Variants in DOCK4 observed in about 807,000 individuals in gnomAD.
DOCK4 encodes dedicator of cytokinesis protein 4.
A neutral mutation model predicts 268.1 loss-of-function variants in DOCK4; 97 were observed. The ratio of observed to expected loss-of-function variants is 0.36; its 90% CI spans 0.31 to 0.43. DOCK4 has a LOEUF of 0.43. Among genes scored for constraint, DOCK4 ranks in the 20% least tolerant of loss-of-function variants. DOCK4 has a pLI of 1.00. For missense variants in DOCK4, 2,145 were observed against 2,455.7 expected (o/e 0.87, Z 2.67); for synonymous variants, 954 against 887.2 (o/e 1.08, Z -1.34).
chr7:111,763,991 G>A (rs1279314743), intron 39 of DOCK4, among the ~76,000 whole-genome samples: 2 of 152,138 alleles, frequency 1.3e-5, no homozygotes, highest in Non-Finnish European at 2.9e-5. Flanking sequence ...CCCACTTGCT[G>A]CTGTTTTTGA....
chr7:111,834,549 A>G lies in DOCK4; in HGVS notation c.2835+39T>C, dbSNP rs756892836. On this transcript the variant is annotated intron_variant, in intron 26 of 52. Transcript: ENST00000428084. ...GATGAATAAAAACAAGATAAACCCA[A>G]AAGATATGTTAAAGAAAACATTTTA... The G allele has an allele frequency of 8.3e-6, 12 of 1,440,916 alleles. No individual in the cohort carries two copies. In the South Asian group the frequency reaches 1.4e-4, roughly 17 times the overall value. The allele number at this position is 1,440,916 out of a possible 1,614,324, so 89.3% of individuals were successfully genotyped here. A position where few individuals can be genotyped will look rare whatever the true frequency, so the allele number is the denominator to read the frequency against.
chr7:112,197,456 G>A (rs1424220706), intron 1 of DOCK4, among the ~76,000 whole-genome samples: 1 of 152,116 alleles, frequency 6.6e-6, no homozygotes, highest in Non-Finnish European at 1.5e-5. Context: ...TCCTTACTGG[G>A]AAATCTCACA....
chr7:111,927,375 G>C (rs536217729), intron 12 of DOCK4, among the ~76,000 whole-genome samples: 64 of 152,180 alleles, frequency 4.2e-4, no homozygotes, highest in Non-Finnish European at 7.6e-4. Context: ...GTCACAGAAT[G>C]TCAAATGAAA....
At chr7:111,949,782 T>C (rs888717188) in intron 8 of DOCK4, among the ~76,000 whole-genome samples, 1 of 152,192 alleles carries the variant, frequency 6.6e-6, no homozygotes. Flanking sequence ...CAAATGGTTT[T>C]GGACAAAAAA....
intron 42 of DOCK4, among the ~76,000 whole-genome samples, chr7:111,751,228 G>A (rs1428795183): frequency 2.0e-5 from 3 of 152,120 alleles, no homozygotes; most frequent in African/African-American, 4.8e-5. Context: ...AGGTGACAGA[G>A]AAACATGTTA....
intron 8 of DOCK4, among the ~76,000 whole-genome samples, chr7:111,961,154 A>G (rs1232374447): frequency 6.6e-6 from 1 of 152,032 alleles, no homozygotes; most frequent in Non-Finnish European, 1.5e-5. Flanking sequence ...TTGCTCTCCA[A>G]TGGCAGCTGA....
chr7:112,130,773 G>A (rs376121372), intron 1 of DOCK4, among the ~76,000 whole-genome samples: 20 of 152,306 alleles, frequency 1.3e-4, no homozygotes, highest in East Asian at 7.7e-4. Context: ...ATACAGACGC[G>A]TCCTACCAAA....
intron 1 of DOCK4, among the ~76,000 whole-genome samples, chr7:112,064,457 C>T (rs1414836306): frequency 6.6e-6 from 1 of 152,142 alleles, no homozygotes; most frequent in Non-Finnish European, 1.5e-5. Flanking sequence ...ATTTATAAGC[C>T]AGCTCCATAT....
rs903099197 is a variant in DOCK4, at chr7:111,830,730, G to A, written c.2835+3858C>T. 4.6e-5 allele frequency among the ~76,000 whole-genome samples: 7 copies of A among 151,594 alleles called. No individual in the cohort carries two copies. In the East Asian group the frequency reaches 1.4e-3, roughly 29 times the overall value. On this transcript the variant is annotated intron_variant, in intron 26 of 52. Coordinates refer to ENST00000428084, the MANE Select transcript of DOCK4 (RefSeq NM_001363540.2). Reference sequence around the variant, plus strand: ...CATCATAAGTATTCATCAAAACAAAGTCTACACATCCAAACTTATCCCTCT... The same window carrying A: ...CATCATAAGTATTCATCAAAACAAAATCTACACATCCAAACTTATCCCTCT...
intron 17 of DOCK4, among the ~76,000 whole-genome samples, chr7:111,875,894 A>T (rs1440294114): frequency 6.6e-6 from 1 of 152,230 alleles, no homozygotes; most frequent in East Asian, 1.9e-4. Context: ...GCAATAAATA[A>T]GTAATACAAC....
chr7:111,828,556 T>G lies in DOCK4; in HGVS notation c.2835+6032A>C, dbSNP rs528783494. On this transcript the variant is annotated intron_variant, in intron 26 of 52. Transcript: ENST00000428084. ...GCAACATTAGGAATAAAAAACAACATGAATATTCATTTGAAAATCTCAATA... is the reference window on the plus strand; with the variant it reads ...GCAACATTAGGAATAAAAAACAACAGGAATATTCATTTGAAAATCTCAATA... Among the ~76,000 whole-genome samples the G allele has an allele frequency of 5.9e-5, 9 of 152,240 alleles. No individual in the cohort carries two copies. The South Asian group carries it at 1.7e-3, about 28-fold the overall frequency.
At chr7:112,173,141 T>C (rs1398201410) in intron 1 of DOCK4, among the ~76,000 whole-genome samples, 1 of 152,242 alleles carries the variant, frequency 6.6e-6, no homozygotes, top group Non-Finnish European at 1.5e-5. Context: ...TGACATTCTA[T>C]ACATTTGCCT....
intron 1 of DOCK4, among the ~76,000 whole-genome samples, chr7:112,188,042 A>G (rs763547055): frequency 1.3e-5 from 2 of 152,258 alleles, no homozygotes; most frequent in African/African-American, 2.4e-5. Flanking sequence ...AAGGACAGAA[A>G]GACTTAGGGA....
At chr7:111,921,141 G>A (rs1055541520) in intron 12 of DOCK4, among the ~76,000 whole-genome samples, 1 of 152,090 alleles carries the variant, frequency 6.6e-6, no homozygotes, top group Non-Finnish European at 1.5e-5. Flanking sequence ...TGGAAGAAAC[G>A]TAATCATTAA....
intron 22 of DOCK4, among the ~76,000 whole-genome samples, chr7:111,864,501 T>C (rs1805816027): frequency 6.6e-6 from 1 of 152,124 alleles, no homozygotes; most frequent in Non-Finnish European, 1.5e-5. Context: ...TCTGACTCCA[T>C]CAGAAAATAG....
chr7:112,138,214 T>G (rs371065473), intron 1 of DOCK4, among the ~76,000 whole-genome samples: 1 of 152,236 alleles, frequency 6.6e-6, no homozygotes, highest in Non-Finnish European at 1.5e-5. Flanking sequence ...TACATCCTTA[T>G]TGGTCCCTTT....
chr7:112,167,893 C>T (rs781143062), intron 1 of DOCK4, among the ~76,000 whole-genome samples: 2 of 152,092 alleles, frequency 1.3e-5, no homozygotes, highest in Non-Finnish European at 2.9e-5. Context: ...CACCAGCTCC[C>T]TCTTTTTCTT....
Position 111,735,105 on chromosome 7 carries a change from C to G in DOCK4, c.5368G>C (p.Asp1790His). The G allele has an allele frequency of 1.2e-6, 2 of 1,602,520 alleles. No individual in the cohort carries two copies. Among genetic ancestry groups the G allele is most frequent in the Non-Finnish European group, 1.7e-6 (2 of 1,174,460 alleles). The change falls in exon 51 of 53, where the codon GAT becomes CAT. Residue 1790 changes from aspartate to histidine, a missense_variant. Around this residue, in one of 2 missense-constraint regions of DOCK4, gnomAD observed 547 missense variants for 469.0 expected, o/e 1.17. Transcript: ENST00000428084. ...DSGKEAKNMS[D>H]SGKLISPPVP... ...GGGGGAGAGATAAGTTTCCCACTATCCGACATGTTCTTGGCTTCCTTCCCA... is the reference window on the plus strand; with the variant it reads ...GGGGGAGAGATAAGTTTCCCACTATGCGACATGTTCTTGGCTTCCTTCCCA...
chr7:111,874,519 T>C (rs1806682517), intron 17 of DOCK4, among the ~76,000 whole-genome samples: 1 of 152,234 alleles, frequency 6.6e-6, no homozygotes, highest in Non-Finnish European at 1.5e-5. Flanking sequence ...GTTATGTCCA[T>C]CTGGATGTAA....
Sources: gnomAD v4.1 joint callset for allele counts (sites outside exome capture counted in the v4.1 genomes callset) on GRCh38, gnomAD v4.1.1 for gene constraint, gnomAD v4.1.1 regional missense constraint, MANE v1.5 for transcripts, NCBI Gene and HGNC (gene_info 2026-07-23, HGNC 2026-07-21) for gene names.